Variants in CYP39A1 observed in about 807,000 individuals in gnomAD.
The protein encoded by CYP39A1 is 24-hydroxycholesterol 7-alpha-hydroxylase.
In CYP39A1, 49 loss-of-function variants were observed where a neutral mutation model predicts 58.1. The ratio of observed to expected loss-of-function variants is 0.84; its 90% CI spans 0.67 to 1.07. The LOEUF is 1.07. Among genes scored for constraint, CYP39A1 ranks in the 50% least tolerant of loss-of-function variants. The pLI, the probability that CYP39A1 is intolerant of heterozygous loss-of-function variation, is 0.00. For synonymous variants in CYP39A1, 209 were observed against 187.6 expected, an observed-to-expected ratio of 1.11 and a Z score of -0.93; for missense variants, 531 against 539.4, an observed-to-expected ratio of 0.98 and a Z score of 0.16.
In CYP39A1 at chr6:46,647,789, T is replaced by A. The variant is rs150325422; in HGVS notation, c.177+4617A>T. On this transcript the variant is annotated intron_variant, in intron 1 of 11. Coordinates refer to ENST00000275016, the MANE Select transcript of CYP39A1 (RefSeq NM_016593.5). ...AATAAATGTCTTCTTTTGAGAAGTATCTGTTCATATACTTTGCCCACTTTT... is the reference window on the plus strand; with the variant it reads ...AATAAATGTCTTCTTTTGAGAAGTAACTGTTCATATACTTTGCCCACTTTT... 2.0e-5 allele frequency among the ~76,000 whole-genome samples: 3 copies of A among 152,342 alleles called. 1 individual carries two copies. Among genetic ancestry groups the A allele is most frequent in the South Asian group, 4.1e-4 (2 of 4,832 alleles).
intron 7 of CYP39A1, among the ~76,000 whole-genome samples, chr6:46,614,116 T>C (rs986596446): frequency 2.6e-5 from 4 of 152,122 alleles, no homozygotes; most frequent in African/African-American, 9.7e-5. Flanking sequence ...AATAGCTTAA[T>C]GTCAAAGTAA....
At chr6:46,644,399 T>A (rs762503169) in intron 1 of CYP39A1, among the ~76,000 whole-genome samples, 6 of 152,168 alleles carry the variant, frequency 3.9e-5, no homozygotes, top group Non-Finnish European at 5.9e-5. Flanking sequence ...ATGCCTATAA[T>A]CCTACTGCTT....
chr6:46,624,125 A>T (rs1345959735), intron 7 of CYP39A1, among the ~76,000 whole-genome samples: 1 of 152,180 alleles, frequency 6.6e-6, no homozygotes. Context: ...TTAATGTTAC[A>T]CTTCTGTTGT....
chr6:46,572,173 T>C (rs1771619149), intron 10 of CYP39A1, among the ~76,000 whole-genome samples: 1 of 123,880 alleles, frequency 8.1e-6, no homozygotes, highest in South Asian at 2.3e-4. Flanking sequence ...GTGTTTAATA[T>C]TTTTTTCGGG....
At chr6:46,582,249 T>G in intron 10 of CYP39A1, among the ~76,000 whole-genome samples, 1 of 152,178 alleles carries the variant, frequency 6.6e-6, no homozygotes, top group East Asian at 1.9e-4. Flanking sequence ...TTATGGGGAT[T>G]TAAATTTGCT....
At chr6:46,571,381 T>C (rs1051742692) in intron 10 of CYP39A1, among the ~76,000 whole-genome samples, 1 of 152,166 alleles carries the variant, frequency 6.6e-6, no homozygotes, top group Non-Finnish European at 1.5e-5. Flanking sequence ...CTGTTAATAT[T>C]TGCTTTGTAT....
chr6:46,578,387 C>T (rs1771951896), intron 10 of CYP39A1, among the ~76,000 whole-genome samples: 1 of 151,820 alleles, frequency 6.6e-6, no homozygotes. Flanking sequence ...CACAAACCAA[C>T]CCCAAAGCTA....
At chr6:46,618,957 C>T (rs182024536) in intron 7 of CYP39A1, among the ~76,000 whole-genome samples, 1 of 152,144 alleles carries the variant, frequency 6.6e-6, no homozygotes, top group East Asian at 1.9e-4. Flanking sequence ...ATTCCTCTGC[C>T]TTAATCATCT....
intron 10 of CYP39A1, among the ~76,000 whole-genome samples, chr6:46,569,432 C>T (rs540405457): frequency 2.6e-5 from 4 of 152,034 alleles, no homozygotes; most frequent in Non-Finnish European, 5.9e-5. Flanking sequence ...GCAGAAGTGG[C>T]ATCCTTGTCT....
chr6:46,625,220 G>T (rs1033904029), intron 7 of CYP39A1, among the ~76,000 whole-genome samples, 198 bp downstream of exon 7: 1 of 152,076 alleles, frequency 6.6e-6, no homozygotes, highest in Admixed American at 6.6e-5. Context: ...GAAAATGAAG[G>T]AGTTGCACAA....
intron 5 of CYP39A1, among the ~76,000 whole-genome samples, 154 bp downstream of exon 5, chr6:46,636,235 G>GT (rs1775981435): frequency 6.6e-6 from 1 of 152,124 alleles, no homozygotes; most frequent in South Asian, 2.1e-4. Context: ...TTGTGATGAT[G>GT]TAACAGTGAA....
intron 8 of CYP39A1, among the ~76,000 whole-genome samples, chr6:46,595,197 C>T (rs1176498860): frequency 6.6e-6 from 1 of 151,796 alleles, no homozygotes; most frequent in Non-Finnish European, 1.5e-5. Flanking sequence ...GGAACACTTG[C>T]ACACTATCGG....
chr6:46,643,151 T>C (rs1776447571), intron 1 of CYP39A1, among the ~76,000 whole-genome samples: 2 of 152,072 alleles, frequency 1.3e-5, no homozygotes, highest in African/African-American at 4.8e-5. Flanking sequence ...ATGACCTTGT[T>C]GGGAAAAAAA....
chr6:46,592,917 C>T (rs1282310056), intron 8 of CYP39A1, among the ~76,000 whole-genome samples: 1 of 152,150 alleles, frequency 6.6e-6, no homozygotes, highest in Non-Finnish European at 1.5e-5. Flanking sequence ...GATCATGTCA[C>T]TGCACTCCAG....
At chr6:46,567,408 G>T (rs548154981) in intron 10 of CYP39A1, among the ~76,000 whole-genome samples, 14 of 151,950 alleles carry the variant, frequency 9.2e-5, no homozygotes, top group Non-Finnish European at 1.9e-4. Flanking sequence ...TTTGGCTATT[G>T]TGATTAATGC....
At chr6:46,582,804 T>A (rs917149732) in intron 10 of CYP39A1, among the ~76,000 whole-genome samples, 3 of 152,042 alleles carry the variant, frequency 2.0e-5, no homozygotes, top group African/African-American at 7.2e-5. Context: ...GGTGGGAATA[T>A]AACATCCTAA....
chr6:46,578,311 C>T (rs1042484470), intron 10 of CYP39A1, among the ~76,000 whole-genome samples: 1 of 152,026 alleles, frequency 6.6e-6, no homozygotes, highest in Non-Finnish European at 1.5e-5. Context: ...CAAATGCCTA[C>T]AACAAGAAGT....
intron 3 of CYP39A1, among the ~76,000 whole-genome samples, chr6:46,638,477 G>A (rs1424345381): frequency 3.9e-5 from 6 of 152,058 alleles, no homozygotes; most frequent in Non-Finnish European, 5.9e-5. Flanking sequence ...TTACCATTAA[G>A]AGAATAAAGT....
Position 46,639,570 on chromosome 6 carries a change from G to A in CYP39A1, c.412C>T (p.Gln138Ter), listed in dbSNP as rs1444633400. Residue 138 changes from glutamine to a stop codon, truncating the protein, a stop_gained, in exon 3 of 12, where the codon CAA becomes TAA. Coordinates refer to ENST00000275016, the MANE Select transcript of CYP39A1 (RefSeq NM_016593.5). LOFTEE classifies it high-confidence loss of function. Reference protein sequence around the residue: ...GTVNLHQFTGQLTEELHEQLE... With the variant: ...GTVNLHQFTG ...TGTTCATGTAATTCTTCAGTCAGTTGCCCAGTAAACTGATGGAGATTGACA... is the reference window on the plus strand; with the variant it reads ...TGTTCATGTAATTCTTCAGTCAGTTACCCAGTAAACTGATGGAGATTGACA... 2 of 1,613,884 alleles carry A rather than the reference G, an allele frequency of 1.2e-6. No homozygotes were observed. Among genetic ancestry groups the A allele is most frequent in the Non-Finnish European group, 1.7e-6 (2 of 1,179,858 alleles).
Sources: allele counts gnomAD v4.1 joint callset (sites outside exome capture counted in the v4.1 genomes callset), GRCh38; gene constraint gnomAD v4.1.1; transcripts MANE v1.5; gene names NCBI Gene and HGNC (gene_info 2026-07-23, HGNC 2026-07-21).